Variants in TRPM3 observed in about 807,000 individuals in gnomAD.
TRPM3 encodes long transient receptor potential channel 3.
In TRPM3, 77 loss-of-function variants were observed where a neutral mutation model predicts 181.2. That is an observed-to-expected ratio of 0.42 (90% CI 0.35 to 0.51). TRPM3 has a LOEUF of 0.51. Ranked by LOEUF, TRPM3 falls within the 20% of genes least tolerant of loss-of-function variation. TRPM3 has a pLI of 0.01. For missense variants in TRPM3, 1,759 were observed against 2,196.7 expected (o/e 0.80, Z 3.98); for synonymous variants, 745 against 796.4 (o/e 0.94, Z 1.09).
chr9:71,075,260 T>C (rs986935770), intron 1 of TRPM3, among the ~76,000 whole-genome samples: 5 of 152,228 alleles, frequency 3.3e-5, no homozygotes, highest in Non-Finnish European at 5.9e-5. Context: ...CATTTGTTTA[T>C]GGCTTTGCAC....
intron 1 of TRPM3, among the ~76,000 whole-genome samples, chr9:71,045,834 C>G (rs776771343): frequency 6.6e-6 from 1 of 152,104 alleles, no homozygotes; most frequent in Non-Finnish European, 1.5e-5. Flanking sequence ...TGTTCAGGTT[C>G]TAACCCATAA....
At chr9:71,021,914 T>C (rs1256291323) in intron 1 of TRPM3, among the ~76,000 whole-genome samples, 1 of 152,164 alleles carries the variant, frequency 6.6e-6, no homozygotes, top group Non-Finnish European at 1.5e-5. Context: ...GAGGTAGCAA[T>C]ATATCATTGA....
At position 70,754,053 on chromosome 9, in the gene TRPM3, G is replaced by C. The variant is rs528551765; in HGVS notation, c.1272+7548C>G. 5.9e-5 allele frequency among the ~76,000 whole-genome samples: 9 copies of C among 152,288 alleles called. No individual in the cohort carries two copies. The South Asian group carries it at 1.9e-3, about 32-fold the overall frequency. ...ACACTCCAGGGTATCAAAAGCAAAT[G>C]TACTGCCCCAGTCTGGGGTTGGTGG... On this transcript the variant is annotated intron_variant, in intron 8 of 25. Coordinates refer to ENST00000677713, the MANE Select transcript of TRPM3 (RefSeq NM_001366145.2).
chr9:71,334,821 C>T (rs2090444553), intron 1 of TRPM3, among the ~76,000 whole-genome samples: 1 of 152,032 alleles, frequency 6.6e-6, no homozygotes, highest in South Asian at 2.1e-4. Flanking sequence ...AGTAATGATG[C>T]TGGTTCAAGG....
At chr9:70,792,965 AC>A in intron 6 of TRPM3, among the ~76,000 whole-genome samples, 1 of 152,334 alleles carries the variant, frequency 6.6e-6, no homozygotes, top group African/African-American at 2.4e-5. Flanking sequence ...ATACAGGCTT[AC>A]TAATAAAAAT....
chr9:70,602,469 A>G (rs1438438253), intron 20 of TRPM3, among the ~76,000 whole-genome samples: 1 of 152,150 alleles, frequency 6.6e-6, no homozygotes, highest in African/African-American at 2.4e-5. Context: ...TTGAGCTCTT[A>G]AAGACCCAGT....
At chr9:70,575,925 A>T (rs1393844404) in intron 22 of TRPM3, among the ~76,000 whole-genome samples, 1 of 151,964 alleles carries the variant, frequency 6.6e-6, no homozygotes, top group Admixed American at 6.5e-5. Flanking sequence ...CCAAAAGCAA[A>T]CTCTTCTTCA....
intron 6 of TRPM3, among the ~76,000 whole-genome samples, chr9:70,802,573 G>A (rs2089438311): frequency 6.6e-6 from 1 of 152,172 alleles, no homozygotes; most frequent in Admixed American, 6.5e-5. Context: ...TGTGATCAAT[G>A]AGAAACTAAC....
chr9:71,058,783 A>G (rs969745969), intron 1 of TRPM3, among the ~76,000 whole-genome samples: 2 of 152,036 alleles, frequency 1.3e-5, no homozygotes, highest in South Asian at 2.1e-4. Flanking sequence ...AACTTGGACT[A>G]TAATAAACAG....
chr9:70,994,357 T>G (rs2097523196), intron 1 of TRPM3, among the ~76,000 whole-genome samples: 1 of 152,188 alleles, frequency 6.6e-6, no homozygotes, highest in South Asian at 2.1e-4. Flanking sequence ...CTAGGAAGCT[T>G]ACCCAGGTGT....
intron 1 of TRPM3, among the ~76,000 whole-genome samples, chr9:71,115,668 G>C (rs935479759): frequency 6.6e-6 from 1 of 152,110 alleles, no homozygotes; most frequent in Non-Finnish European, 1.5e-5. Context: ...TGCCAGGGAC[G>C]TTACTGTGCC....
At chr9:70,620,033 C>T (rs1444902542) in intron 16 of TRPM3, 43 bp downstream of exon 16, 21 of 1,559,766 alleles carry the variant, frequency 1.3e-5, no homozygotes, top group Non-Finnish European at 1.8e-5. Flanking sequence ...GCCCACCTTT[C>T]CTCCTCTCCC....
At chr9:70,621,603 T>G (rs373348271) in intron 14 of TRPM3, among the ~76,000 whole-genome samples, 1 of 152,300 alleles carries the variant, frequency 6.6e-6, no homozygotes, top group East Asian at 1.9e-4. Context: ...TGGGCTCAAG[T>G]GGTCCTCCCA....
chr9:71,045,767 C>G (rs914363521), intron 1 of TRPM3, among the ~76,000 whole-genome samples: 1 of 152,174 alleles, frequency 6.6e-6, no homozygotes, highest in African/African-American at 2.4e-5. Context: ...GAAGACTACT[C>G]AATCCGGTGC....
At chr9:70,898,880 G>C (rs1471177305) in intron 1 of TRPM3, among the ~76,000 whole-genome samples, 5 of 152,084 alleles carry the variant, frequency 3.3e-5, no homozygotes, top group Admixed American at 2.0e-4. Flanking sequence ...GGCTGAACTA[G>C]TCTTTTGAAC....
chr9:71,294,203 A>G (rs2086063876), intron 1 of TRPM3, among the ~76,000 whole-genome samples: 1 of 152,070 alleles, frequency 6.6e-6, no homozygotes, highest in Admixed American at 6.6e-5. Context: ...TGATAATCCA[A>G]AAACAGAGAA....
intron 1 of TRPM3, among the ~76,000 whole-genome samples, chr9:70,999,663 T>C (rs1003643974): frequency 1.3e-5 from 2 of 152,206 alleles, no homozygotes; most frequent in Non-Finnish European, 2.9e-5. Flanking sequence ...CAAGATGGCA[T>C]TTTAAGTTTT....
intron 3 of TRPM3, among the ~76,000 whole-genome samples, chr9:70,850,211 C>T: frequency 6.6e-6 from 1 of 152,152 alleles, no homozygotes; most frequent in Admixed American, 6.6e-5. Context: ...TGTGCACCAA[C>T]TCTCATGCAG....
chr9:71,366,652 T>C (rs7040597), intron 1 of TRPM3, among the ~76,000 whole-genome samples: 3,658 of 152,266 alleles, frequency 0.024, 129 homozygotes, highest in African/African-American at 0.081. Flanking sequence ...ATAATTTGTT[T>C]TGTAGGGCAG....
Sources: gnomAD v4.1 joint callset for allele counts (sites outside exome capture counted in the v4.1 genomes callset) on GRCh38, gnomAD v4.1.1 for gene constraint, MANE v1.5 for transcripts, NCBI Gene and HGNC (gene_info 2026-07-23, HGNC 2026-07-21) for gene names.